Variants in LCORL observed in about 807,000 individuals in gnomAD.
LCORL encodes the protein ligand dependent nuclear receptor corepressor like, also known as ligand-dependent nuclear receptor corepressor-like protein.
A neutral mutation model predicts 141.8 loss-of-function variants in LCORL; 41 were observed. The ratio of observed to expected loss-of-function variants is 0.29; its 90% CI spans 0.23 to 0.38. The LOEUF is 0.38. Ranked by LOEUF, LCORL falls within the 10% of genes least tolerant of loss-of-function variation. The pLI, the probability that LCORL is intolerant of heterozygous loss-of-function variation, is 1.00. For missense variants in LCORL, 1,759 were observed against 2,035.0 expected (o/e 0.86, Z 2.61); for synonymous variants, 618 against 694.1 (o/e 0.89, Z 1.72).
exon 7 of LCORL, chr4:17,877,954 T>C (rs1727094230): frequency 2.4e-6 from 3 of 1,230,574 alleles, no homozygotes; most frequent in African/African-American, 1.6e-5. Flanking sequence ...AAACAACCTC[T>C]TTCTGCCAGC....
intron 5 of LCORL, chr4:17,893,158 C>T (rs995640318): frequency 6.5e-6 from 1 of 154,994 alleles, no homozygotes. Context: ...GATGCTCCCC[C>T]ACCTCAGTAT....
At chr4:17,924,808 G>A (rs761869041) in intron 4 of LCORL, among the ~76,000 whole-genome samples, 50 of 152,182 alleles carry the variant, frequency 3.3e-4, no homozygotes, top group Non-Finnish European at 6.8e-4. Context: ...TAGAATGGTA[G>A]AATGGCCTTT....
At position 17,884,523 on chromosome 4, in the gene LCORL, A is replaced by G. The variant is rs17526944; in HGVS notation, c.776+1545T>C. The stretch of plus-strand genomic sequence containing the variant: ...GCACAAGTTTCTTTACTGTCCTTAT[A>G]TGAATAACTATCATGGAAATCTCGA... On this transcript the variant is annotated intron_variant, in intron 6 of 7. Transcript: ENST00000635767. The surrounding 1 kb of genome is among the most constrained non-coding windows in gnomAD (Gnocchi z 4.4). 0.058 allele frequency: 89,027 copies of G among 1,539,014 alleles called. 3,003 individuals are homozygous for G. The highest frequency in any genetic ancestry group is 0.087 in the South Asian group (7,204 of 82,484).
chr4:18,000,875 C>A (rs998094622), intron 1 of LCORL, among the ~76,000 whole-genome samples: 19 of 152,142 alleles, frequency 1.2e-4, no homozygotes, highest in Non-Finnish European at 1.5e-5. Context: ...GGTGTAAGAT[C>A]ATGATCTGAT....
At chr4:17,900,994 C>T (rs904959383) in intron 5 of LCORL, among the ~76,000 whole-genome samples, 5 of 143,478 alleles carry the variant, frequency 3.5e-5, no homozygotes, top group African/African-American at 1.1e-4. Flanking sequence ...GTGACCCATG[C>T]TGCCTTGGTT....
chr4:17,932,524 T>G (rs996829309), intron 4 of LCORL, among the ~76,000 whole-genome samples: 1 of 152,142 alleles, frequency 6.6e-6, no homozygotes, highest in Non-Finnish European at 1.5e-5. Flanking sequence ...TTTTCCTACT[T>G]CATTTCCCAC....
intron 4 of LCORL, among the ~76,000 whole-genome samples, chr4:17,914,957 G>A (rs1733157297): frequency 6.6e-6 from 1 of 152,088 alleles, no homozygotes; most frequent in Non-Finnish European, 1.5e-5. Flanking sequence ...GTAACCAATA[G>A]CGTACTGCCC....
At chr4:17,856,156 A>G (rs975884085) in intron 7 of LCORL, among the ~76,000 whole-genome samples, 4 of 152,214 alleles carry the variant, frequency 2.6e-5, no homozygotes, top group Non-Finnish European at 5.9e-5. Flanking sequence ...CATGAATGAC[A>G]CATTGATAAT....
intron 1 of LCORL, among the ~76,000 whole-genome samples, chr4:18,013,729 A>C (rs1724173270): frequency 6.6e-6 from 1 of 152,200 alleles, no homozygotes; most frequent in Non-Finnish European, 1.5e-5. Flanking sequence ...ACTAGTCAGA[A>C]AAGAATTGGC....
chr4:17,850,854 A>G (rs1723580891), intron 7 of LCORL, among the ~76,000 whole-genome samples: 1 of 151,776 alleles, frequency 6.6e-6, no homozygotes, highest in East Asian at 1.9e-4. Context: ...CACTATTCAC[A>G]ATAGCAAAGA....
intron 4 of LCORL, among the ~76,000 whole-genome samples, chr4:17,954,483 A>C (rs1410299831): frequency 6.6e-6 from 1 of 152,200 alleles, no homozygotes; most frequent in African/African-American, 2.4e-5. Flanking sequence ...ATTTTATTCT[A>C]AATAACATGT....
At chr4:17,974,663 G>A (rs1716592745) in intron 1 of LCORL, among the ~76,000 whole-genome samples, 2 of 152,036 alleles carry the variant, frequency 1.3e-5, no homozygotes, top group South Asian at 4.1e-4. Context: ...AGCAAACTGG[G>A]AAATGATCCA....
In LCORL at chr4:17,884,136, C is replaced by G; in HGVS notation, c.776+1932G>C. The G allele has an allele frequency of 1.3e-6, 2 of 1,550,482 alleles. No individual in the cohort carries two copies. The highest frequency in any genetic ancestry group is 1.7e-6 in the Non-Finnish European group (2 of 1,146,148). On this transcript the variant is annotated intron_variant, in intron 6 of 7. Transcript: ENST00000635767. The surrounding 1 kb of genome is among the most constrained non-coding windows in gnomAD (Gnocchi z 4.4). ...GAGTGAGTTACAGGCCCAGAACATT[C>G]TATTTTGTTCTGTTTAGGGAGTATA...
At chr4:17,964,666 A>G (rs1281659796) in intron 2 of LCORL, among the ~76,000 whole-genome samples, 1 of 152,114 alleles carries the variant, frequency 6.6e-6, no homozygotes, top group African/African-American at 2.4e-5. Flanking sequence ...GGACAGAATC[A>G]CCATACAACG....
chr4:17,889,047 G>T (rs560637423), intron 5 of LCORL, among the ~76,000 whole-genome samples: 33 of 152,182 alleles, frequency 2.2e-4, no homozygotes, highest in African/African-American at 6.7e-4. Context: ...ATTATGGAAG[G>T]AGGTACAGGA....
chr4:17,922,506 G>A (rs1734458189), intron 4 of LCORL, among the ~76,000 whole-genome samples: 1 of 152,192 alleles, frequency 6.6e-6, no homozygotes. Context: ...ACTAGAGAAA[G>A]TGATGAAAGA....
chr4:18,005,432 G>A lies in LCORL; in HGVS notation c.154+16166C>T, dbSNP rs536133399. Among the ~76,000 whole-genome samples, 149 of 152,224 alleles carry A rather than the reference G, an allele frequency of 9.8e-4. 1 individual carries two copies. The highest frequency in any genetic ancestry group is 3.5e-3 in the African/African-American group (146 of 41,530). ...GCTGTCAGTGGATCTACCATTCTGG[G>A]GTCTGAAGGACGATGGCCCTCTTCT... On this transcript the variant is annotated intron_variant, in intron 1 of 7. Coordinates refer to ENST00000635767, the Ensembl canonical transcript of LCORL.
At chr4:17,873,769 T>G in exon 7 of LCORL, 1 of 1,234,110 alleles carries the variant, frequency 8.1e-7, no homozygotes, top group African/African-American at 1.5e-5. Flanking sequence ...TTAAAAGTAT[T>G]TCTGTGTTCA....
intron 4 of LCORL, among the ~76,000 whole-genome samples, chr4:17,927,303 G>A (rs1384242335): frequency 1.3e-5 from 2 of 152,166 alleles, no homozygotes; most frequent in Non-Finnish European, 2.9e-5. Context: ...TTGTCTTAAC[G>A]GAATGTCATG....
Sources: allele counts gnomAD v4.1 joint callset (sites outside exome capture counted in the v4.1 genomes callset), GRCh38; gene constraint gnomAD v4.1.1; non-coding constraint Gnocchi (gnomAD v3.1); transcripts MANE v1.5; gene names NCBI Gene and HGNC (gene_info 2026-07-23, HGNC 2026-07-21).